Variants in RBFOX1 observed in about 807,000 individuals in gnomAD.
RBFOX1 encodes RNA binding fox-1 homolog 1.
Under a neutral mutation model 57.7 loss-of-function variants are expected in RBFOX1, and 8 were observed. The observed-to-expected ratio is 0.14, with a 90% CI of 0.08 to 0.25. The LOEUF is 0.25. RBFOX1 is among the 10% of genes least tolerant of loss of function. The pLI is 1.00. For synonymous variants in RBFOX1, 326 were observed against 222.4 expected (o/e 1.47, Z -4.15); for missense variants, 611 against 548.5 (o/e 1.11, Z -1.14).
chr16:5,912,638 A>G (rs1597759969), intron 4 of RBFOX1, among the ~76,000 whole-genome samples: 1 of 152,220 alleles, frequency 6.6e-6, no homozygotes, highest in Admixed American at 6.5e-5. Context: ...AGATAAAAGT[A>G]TAATTATTTC....
At chr16:5,569,744 A>T (rs1475085343) in intron 2 of RBFOX1, among the ~76,000 whole-genome samples, 1 of 151,826 alleles carries the variant, frequency 6.6e-6, no homozygotes, top group Non-Finnish European at 1.5e-5. Context: ...TCCTTTCCTC[A>T]TGACCCCTCC....
At chr16:7,622,351 C>A (rs1222528364) in intron 10 of RBFOX1, among the ~76,000 whole-genome samples, 1 of 152,152 alleles carries the variant, frequency 6.6e-6, no homozygotes, top group Non-Finnish European at 1.5e-5. Flanking sequence ...GAGCAGGATA[C>A]CCAGTGATTC....
At chr16:6,174,839 C>T (rs1187995366) in intron 1 of RBFOX1, among the ~76,000 whole-genome samples, 1 of 152,090 alleles carries the variant, frequency 6.6e-6, no homozygotes, top group African/African-American at 2.4e-5. Context: ...CTCTATGTGC[C>T]AATCTAAGGA....
intron 3 of RBFOX1, among the ~76,000 whole-genome samples, chr16:6,999,278 A>T (rs1479470405): frequency 7.0e-6 from 1 of 142,132 alleles, no homozygotes; most frequent in Non-Finnish European, 1.5e-5. Flanking sequence ...GCTGGTCCTG[A>T]ACTCCTGGGT....
At chr16:5,808,675 G>A (rs946078074) in intron 3 of RBFOX1, among the ~76,000 whole-genome samples, 1 of 152,082 alleles carries the variant, frequency 6.6e-6, no homozygotes, top group Non-Finnish European at 1.5e-5. Context: ...TATTCTCTTT[G>A]AAGCAATTGT....
chr16:6,282,697 C>G (rs1166702051), intron 1 of RBFOX1, among the ~76,000 whole-genome samples: 1 of 152,092 alleles, frequency 6.6e-6, no homozygotes, highest in Non-Finnish European at 1.5e-5. Flanking sequence ...TCATCCATGT[C>G]CCTCCAAAGG....
At chr16:5,690,873 T>G (rs1354981489) in intron 3 of RBFOX1, among the ~76,000 whole-genome samples, 2 of 152,112 alleles carry the variant, frequency 1.3e-5, no homozygotes, top group African/African-American at 4.8e-5. Context: ...TATTTCTACT[T>G]ATGCCAACAA....
chr16:7,273,169 T>C (rs1455754853), intron 4 of RBFOX1, among the ~76,000 whole-genome samples: 5 of 77,420 alleles, frequency 6.5e-5, no homozygotes, highest in Non-Finnish European at 7.7e-5. Context: ...TTCTTTCCTC[T>C]CTCCCTCCCT....
rs2083920156 is a variant in RBFOX1, at chr16:7,710,970, G to A, written c.*225G>A. Reference sequence around the variant, plus strand: ...TTTCTGAAGGTTCCGTAGTTTGGTTGCTGGCTGTAGGAGTTTTTGTGGTTG... The same window carrying A: ...TTTCTGAAGGTTCCGTAGTTTGGTTACTGGCTGTAGGAGTTTTTGTGGTTG... On this transcript the variant is annotated 3_prime_UTR_variant, in exon 16 of 16. Coordinates refer to ENST00000550418, the MANE Select transcript of RBFOX1 (RefSeq NM_018723.4). 6.0e-6 allele frequency: 3 copies of A among 500,214 alleles called. No homozygotes were observed. Among genetic ancestry groups the A allele is most frequent in the South Asian group, 6.1e-5 (1 of 16,352 alleles). 31.0% of individuals were successfully genotyped at this position (500,214 alleles called of 1,614,324 possible).
intron 3 of RBFOX1, among the ~76,000 whole-genome samples, chr16:6,947,066 G>T (rs1460433784): frequency 1.3e-5 from 2 of 152,166 alleles, no homozygotes; most frequent in African/African-American, 4.8e-5. Flanking sequence ...TTGAGAGAAG[G>T]TCTGTGCTTT....
At chr16:6,206,924 G>A (rs533836463) in intron 1 of RBFOX1, among the ~76,000 whole-genome samples, 1 of 151,140 alleles carries the variant, frequency 6.6e-6, no homozygotes, top group African/African-American at 2.4e-5. Flanking sequence ...TCAGCACATG[G>A]TGAGCACCTT....
chr16:7,115,722 G>T (rs1265280139), intron 4 of RBFOX1, among the ~76,000 whole-genome samples: 6 of 152,186 alleles, frequency 3.9e-5, no homozygotes, highest in Admixed American at 3.9e-4. Context: ...GCTGATTTAG[G>T]AGGTGACATT....
intron 2 of RBFOX1, among the ~76,000 whole-genome samples, chr16:5,553,731 GTA>G (rs1268391655): frequency 4.0e-5 from 6 of 150,776 alleles, no homozygotes; most frequent in East Asian, 1.9e-4. Context: ...ACATATATAT[GTA>G]TATATATGTG....
intron 2 of RBFOX1, among the ~76,000 whole-genome samples, chr16:6,332,585 C>G (rs2083175120): frequency 6.6e-6 from 1 of 152,184 alleles, no homozygotes; most frequent in Non-Finnish European, 1.5e-5. Context: ...CATGTCACAG[C>G]ATAGCGTGCT....
chr16:6,013,977 G>T (rs1388437389), intron 4 of RBFOX1, among the ~76,000 whole-genome samples: 1 of 148,664 alleles, frequency 6.7e-6, no homozygotes, highest in Non-Finnish European at 1.5e-5. Flanking sequence ...TGGGGGGAGG[G>T]GGGAGGGTTA....
At chr16:7,349,617 G>A (rs1453645291) in intron 4 of RBFOX1, among the ~76,000 whole-genome samples, 7 of 151,946 alleles carry the variant, frequency 4.6e-5, no homozygotes, top group Non-Finnish European at 1.0e-4. Flanking sequence ...TGAGGATGGC[G>A]ACATACCACA....
At chr16:5,989,022 A>T (rs932473284) in intron 4 of RBFOX1, among the ~76,000 whole-genome samples, 1 of 151,994 alleles carries the variant, frequency 6.6e-6, no homozygotes, top group African/African-American at 2.4e-5. Context: ...AAATGGTAAG[A>T]TAAAAACTTA....
chr16:6,782,242 T>C (rs1307464821), intron 3 of RBFOX1, among the ~76,000 whole-genome samples: 1 of 152,196 alleles, frequency 6.6e-6, no homozygotes, highest in African/African-American at 2.4e-5. Context: ...CTTGACCTCG[T>C]GGTCTGCCCA....
At chr16:5,970,820 C>T (rs565275980) in intron 4 of RBFOX1, among the ~76,000 whole-genome samples, 7 of 152,168 alleles carry the variant, frequency 4.6e-5, no homozygotes, top group African/African-American at 1.4e-4. Flanking sequence ...TGCCTTGAGT[C>T]AGTATGCACA....
Sources: allele counts gnomAD v4.1 joint callset (sites outside exome capture counted in the v4.1 genomes callset), GRCh38; gene constraint gnomAD v4.1.1; transcripts MANE v1.5; gene names NCBI Gene and HGNC (gene_info 2026-07-23, HGNC 2026-07-21).